Variants in RAD51 observed in about 807,000 individuals in gnomAD.
RAD51 encodes RAD51 recombinase.
In RAD51, 14 loss-of-function variants were observed where a neutral mutation model predicts 41.5. The observed-to-expected ratio is 0.34, with a 90% CI of 0.22 to 0.53. The LOEUF (loss-of-function observed/expected upper bound fraction) is 0.53. Among genes scored for constraint, RAD51 ranks in the 20% least tolerant of loss-of-function variants. The pLI is 0.95. For missense variants in RAD51, 234 were observed against 422.0 expected, an observed-to-expected ratio of 0.55 and a Z score of 3.90; for synonymous variants, 136 against 148.6, an observed-to-expected ratio of 0.92 and a Z score of 0.62.
intron 9 of RAD51, among the ~76,000 whole-genome samples, 155 bp downstream of exon 9, chr15:40,730,129 T>C (rs1896792629): frequency 6.6e-6 from 1 of 152,210 alleles, no homozygotes; most frequent in African/African-American, 2.4e-5. Context: ...CTCGTTGGTA[T>C]AGATGTTTTA....
rs45471696 is a variant in RAD51 at position 40,726,060 on chromosome 15, C to A, written c.531-2651C>A. ...GCTTGCTAAAGTTTGAAAACCATGA[C>A]CACAATTGCTAGCCTTTCTTGAAAG... On this transcript the variant is annotated intron_variant, in intron 6 of 9. Coordinates refer to ENST00000267868, the MANE Select transcript of RAD51 (RefSeq NM_002875.5). 7.7e-3 allele frequency among the ~76,000 whole-genome samples: 1,166 copies of A among 152,088 alleles called. 50 individuals carry two copies. The East Asian group carries it at 0.088, about 12-fold the overall frequency.
chr15:40,695,527 C>T lies in RAD51; in HGVS notation c.-3+102C>T, dbSNP rs3092981. The T allele has an allele frequency of 0.083, 12,610 of 152,258 alleles. 780 individuals carry two copies. Among genetic ancestry groups the T allele is most frequent in the Non-Finnish European group, 0.13 (8,545 of 68,084 alleles). The allele number at this position is 152,258 out of a possible 1,614,324, so 9.4% of individuals were successfully genotyped here. A position where few individuals can be genotyped will look rare whatever the true frequency, so the allele number is the denominator to read the frequency against. Reference sequence around the variant, plus strand: ...TGCTCAGCGGCAGTTGGGGCCTCCGCGCGCAGTGTGAAACCCGGACGTGGC... The same window carrying T: ...TGCTCAGCGGCAGTTGGGGCCTCCGTGCGCAGTGTGAAACCCGGACGTGGC... On this transcript the variant is annotated intron_variant, in intron 1 of 9. Coordinates refer to ENST00000267868, the MANE Select transcript of RAD51 (RefSeq NM_002875.5).
At chr15:40,729,776 G>C in intron 8 of RAD51, 77 bp from the exon 9 acceptor site, 2 of 1,611,314 alleles carry the variant, frequency 1.2e-6, no homozygotes, top group Non-Finnish European at 8.5e-7. Context: ...GTTATTTTGT[G>C]GGGGAAAGTG....
At chr15:40,708,538 C>G (rs1399745919) in intron 4 of RAD51, among the ~76,000 whole-genome samples, 1 of 151,190 alleles carries the variant, frequency 6.6e-6, no homozygotes, top group East Asian at 2.0e-4. Flanking sequence ...TTATTTGCAG[C>G]TATCTATAAA....
At chr15:40,728,076 T>C (rs1162857145) in intron 6 of RAD51, among the ~76,000 whole-genome samples, 2 of 152,074 alleles carry the variant, frequency 1.3e-5, no homozygotes, top group African/African-American at 4.8e-5. Context: ...ACCAGGCTGG[T>C]CTCCGACTCC....
At chr15:40,723,554 T>C (rs1196164442) in intron 6 of RAD51, among the ~76,000 whole-genome samples, 1 of 152,156 alleles carries the variant, frequency 6.6e-6, no homozygotes, top group Non-Finnish European at 1.5e-5. Flanking sequence ...ATATGCTAAA[T>C]GATAGAAGTT....
intron 5 of RAD51, among the ~76,000 whole-genome samples, chr15:40,712,594 A>G (rs150756672): frequency 1.3e-3 from 195 of 152,328 alleles, no homozygotes; most frequent in African/African-American, 4.5e-3. Context: ...TGTGCTGCAT[A>G]AGTGGCCAGT....
Position 40,709,015 on chromosome 15 carries a change from G to A in RAD51, c.344-10G>A, listed in dbSNP as rs201594705. The stretch of plus-strand genomic sequence containing the variant: ...ATTATGCTAAGAGTTATTTCTTATC[G>A]CTTTTTTAGGTGGAATTGAGACTGG... On this transcript the variant is annotated splice_polypyrimidine_tract_variant and intron_variant, in intron 4 of 9. Transcript: ENST00000267868. The A allele has an allele frequency of 9.3e-6, 15 of 1,606,916 alleles. No individual in the cohort carries two copies. The highest frequency in any genetic ancestry group is 1.3e-5 in the African/African-American group (1 of 74,708).
intron 7 of RAD51, 106 bp downstream of exon 7, chr15:40,728,930 G>A (rs1896726302): frequency 3.1e-6 from 3 of 980,348 alleles, no homozygotes; most frequent in Admixed American, 1.8e-5. Context: ...GAAATGAGGA[G>A]GTTTAAGTAT....
At chr15:40,728,864 G>C in intron 7 of RAD51, 40 bp downstream of exon 7, 1 of 1,514,278 alleles carries the variant, frequency 6.6e-7, no homozygotes. Flanking sequence ...GTTCTTAAGA[G>C]TCCTTCCCTG....
At chr15:40,720,346 G>A (rs1896208484) in intron 6 of RAD51, among the ~76,000 whole-genome samples, 2 of 152,048 alleles carry the variant, frequency 1.3e-5, no homozygotes, top group African/African-American at 4.8e-5. Context: ...CCTCCCAAAA[G>A]TGCTGGGATT....
intron 6 of RAD51, among the ~76,000 whole-genome samples, chr15:40,724,674 C>CCT (rs1345351450): frequency 1.1e-3 from 101 of 94,350 alleles, no homozygotes; most frequent in African/African-American, 4.3e-3. Context: ...TTTTTTATTT[C>CCT]TTTTTTTTTT....
At chr15:40,724,771 C>T (rs1474682780) in intron 6 of RAD51, among the ~76,000 whole-genome samples, 6 of 148,390 alleles carry the variant, frequency 4.0e-5, no homozygotes, top group African/African-American at 9.9e-5. Flanking sequence ...CTCCACCTCC[C>T]AGGTTCACGC....
rs1023235843 is a variant in RAD51 at position 40,709,016 on chromosome 15, C to T, written c.344-9C>T. ...TTATGCTAAGAGTTATTTCTTATCG[C>T]TTTTTTAGGTGGAATTGAGACTGGA... On this transcript the variant is annotated splice_polypyrimidine_tract_variant and intron_variant, in intron 4 of 9. Transcript: ENST00000267868. The T allele has an allele frequency of 3.7e-6, 6 of 1,609,456 alleles. No individual in the cohort carries two copies. In the Middle Eastern group the frequency reaches 4.9e-4, roughly 133 times the overall value.
At chr15:40,724,674 C>CTTTTTTTTTTTTTTTT (rs869156620) in intron 6 of RAD51, among the ~76,000 whole-genome samples, 1 of 94,346 alleles carries the variant, frequency 1.1e-5, no homozygotes, top group East Asian at 4.3e-4. Context: ...TTTTTTATTT[C>CTTTTTTTTTTTTTTTT]TTTTTTTTTT....
At position 40,720,432 on chromosome 15, in the gene RAD51, A is replaced by T. The variant is rs189937036; in HGVS notation, c.530+1533A>T. Among the ~76,000 whole-genome samples the T allele has an allele frequency of 6.6e-4, 101 of 152,192 alleles. 1 individual carries two copies. The highest frequency in any genetic ancestry group is 2.3e-3 in the African/African-American group (97 of 41,520). ...TTCCCCCTAAAGTCAGTAACAAGGC[A>T]AGGATGCCCACTTTCACTATTTACA... On this transcript the variant is annotated intron_variant, in intron 6 of 9. Transcript: ENST00000267868.
At chr15:40,725,913 G>A (rs1224117795) in intron 6 of RAD51, among the ~76,000 whole-genome samples, 1 of 152,024 alleles carries the variant, frequency 6.6e-6, no homozygotes, top group Non-Finnish European at 1.5e-5. Context: ...TTGAACCCAG[G>A]AGGCGGAGGT....
chr15:40,728,408 C>T lies in RAD51; in HGVS notation c.531-303C>T, dbSNP rs114347852. Among the ~76,000 whole-genome samples the T allele has an allele frequency of 0.014, 2,164 of 151,732 alleles. 57 individuals carry two copies. The highest frequency in any genetic ancestry group is 0.05 in the African/African-American group (2,049 of 41,370). On this transcript the variant is annotated intron_variant, in intron 6 of 9. Coordinates refer to ENST00000267868, the MANE Select transcript of RAD51 (RefSeq NM_002875.5). Reference sequence around the variant, plus strand: ...GGAGGTGGAGGTTGCAATGAGATCACGCCGCTGCACTCCAGCCTGGGTGAC... The same window carrying T: ...GGAGGTGGAGGTTGCAATGAGATCATGCCGCTGCACTCCAGCCTGGGTGAC...
chr15:40,715,840 C>T (rs1482524538), intron 5 of RAD51, among the ~76,000 whole-genome samples: 1 of 152,206 alleles, frequency 6.6e-6, no homozygotes. Flanking sequence ...GAAAGGAGAA[C>T]TTCGTTCATC....
Sources: gnomAD v4.1 joint callset for allele counts (sites outside exome capture counted in the v4.1 genomes callset) on GRCh38, gnomAD v4.1.1 for gene constraint, MANE v1.5 for transcripts, NCBI Gene and HGNC (gene_info 2026-07-23, HGNC 2026-07-21) for gene names.